The following ZNF546 variants were observed in gnomAD, a reference collection of about 807,000 sequenced individuals.
ZNF546 encodes zinc finger protein 546, also known as CTC-471F3.6.
Under a neutral mutation model 76.2 loss-of-function variants are expected in ZNF546, and 60 were observed. That is an observed-to-expected ratio of 0.79 (90% CI 0.64 to 0.98). The LOEUF (loss-of-function observed/expected upper bound fraction) is 0.98, where lower values mean the gene tolerates loss of function less well. Among genes scored for constraint, ZNF546 ranks in the 50% least tolerant of loss-of-function variants. The pLI is 0.00. For synonymous variants in ZNF546, 277 were observed against 328.1 expected (o/e 0.84, Z 1.68); for missense variants, 936 against 1,035.6 (o/e 0.90, Z 1.32).
intron 4 of ZNF546, 123 bp downstream of exon 4, chr19:40,006,305 TCC>T (rs71902864): frequency 0.079 from 63,179 of 795,538 alleles, 7,518 homozygotes; most frequent in African/African-American, 0.45. Context: ...CCCTAGTTAC[TCC>T]CTAGTTACAG....
chr19:40,004,420 A>C (rs1487491385), intron 3 of ZNF546, among the ~76,000 whole-genome samples: 1 of 151,842 alleles, frequency 6.6e-6, no homozygotes, highest in Admixed American at 6.6e-5. Context: ...GGCATGTGCC[A>C]CCACACCCAG....
intron 2 of ZNF546, 56 bp from the exon 3 acceptor site, chr19:39,998,192 G>C (rs1971479575): frequency 1.6e-6 from 1 of 645,040 alleles, no homozygotes. Context: ...GCAACTCTCT[G>C]GTCTATATCT....
In ZNF546 at chr19:40,015,091, A is replaced by C; in HGVS notation, c.1821A>C (p.Lys607Asn). The change falls in exon 7 of 7, where the codon AAA becomes AAC. Residue 607 changes from lysine to asparagine, a missense_variant. Coordinates refer to ENST00000347077, the MANE Select transcript of ZNF546 (RefSeq NM_178544.5). ...TQHFKIHTGE[K>N]PYICNECGKA... ...ATTTTAAAATTCATACTGGTGAAAA[A>C]CCCTACATATGTAATGAATGTGGGA... The C allele has an allele frequency of 6.2e-7, 1 of 1,613,900 alleles. No individual in the cohort carries two copies. Among genetic ancestry groups the C allele is most frequent in the East Asian group, 2.2e-5 (1 of 44,858 alleles).
chr19:40,002,843 G>A (rs1465874819), intron 3 of ZNF546, among the ~76,000 whole-genome samples: 5 of 151,764 alleles, frequency 3.3e-5, no homozygotes, highest in African/African-American at 9.7e-5. Flanking sequence ...GGGACCACAG[G>A]CATCAGCCAC....
intron 5 of ZNF546, among the ~76,000 whole-genome samples, chr19:40,008,181 G>A (rs1218884132): frequency 6.6e-6 from 1 of 152,164 alleles, no homozygotes; most frequent in Non-Finnish European, 1.5e-5. Context: ...TTGAACCCAG[G>A]CCATAGGGCT....
rs234300 is a variant in ZNF546 at position 40,016,105 on chromosome 19, G to A, written c.*324G>A. The A allele has an allele frequency of 3.9e-3, 1,127 of 289,070 alleles. 14 individuals are homozygous for A. The highest frequency in any genetic ancestry group is 0.024 in the African/African-American group (1,077 of 45,616). 17.9% of individuals were successfully genotyped at this position (289,070 alleles called of 1,614,324 possible). On this transcript the variant is annotated 3_prime_UTR_variant, in exon 7 of 7. Coordinates refer to ENST00000347077, the MANE Select transcript of ZNF546 (RefSeq NM_178544.5). ...ACCTGTAATCCCAGCACTGTGGAAA[G>A]ACAGGAGTTCGAAACCAGCCTGGGC... is the stretch of plus-strand genomic sequence containing the variant.
chr19:40,015,809 C>T lies in ZNF546; in HGVS notation c.*28C>T. On this transcript the variant is annotated 3_prime_UTR_variant, in exon 7 of 7. Coordinates refer to ENST00000347077, the MANE Select transcript of ZNF546 (RefSeq NM_178544.5). ...AGAATACGATGGCCTTTAGAAAATG[C>T]CCTTTAGCAGAGAATTTGTAATTTA... The T allele has an allele frequency of 6.3e-7, 1 of 1,597,730 alleles. No homozygotes were observed. The highest frequency in any genetic ancestry group is 8.6e-7 in the Non-Finnish European group (1 of 1,166,542).
Position 40,018,391 on chromosome 19 carries a change from A to ATT in ZNF546, c.*2613_*2614dup, listed in dbSNP as rs1482283048. ...TTGGCAAGAATACTTAATGGGAGAA[A>ATT]TTTTGTATTTCAATTTGTAACCCAT... is the stretch of plus-strand genomic sequence containing the variant. On this transcript the variant is annotated 3_prime_UTR_variant, in exon 7 of 7. Coordinates refer to ENST00000347077, the MANE Select transcript of ZNF546 (RefSeq NM_178544.5). 1 of 152,166 alleles carries ATT rather than the reference A, an allele frequency of 6.6e-6. No individual in the cohort carries two copies. The highest frequency in any genetic ancestry group is 1.5e-5 in the Non-Finnish European group (1 of 68,032). The allele number at this position is 152,166 out of a possible 1,614,324, so 9.4% of individuals were successfully genotyped here.
intron 6 of ZNF546, among the ~76,000 whole-genome samples, chr19:40,011,905 G>T (rs946473427): frequency 6.6e-6 from 1 of 152,116 alleles, no homozygotes; most frequent in Non-Finnish European, 1.5e-5. Flanking sequence ...TGGATTTAGG[G>T]CCCACCCTTT....
intron 3 of ZNF546, among the ~76,000 whole-genome samples, chr19:40,005,128 C>T (rs1971588264): frequency 6.7e-6 from 1 of 149,242 alleles, no homozygotes; most frequent in African/African-American, 2.5e-5. Context: ...AAGCGATTCT[C>T]CTGCCTTAGG....
At position 40,015,037 on chromosome 19, in the gene ZNF546, T is replaced by G. The variant is rs541134596; in HGVS notation, c.1767T>G (p.Ile589Met). Residue 589 changes from isoleucine (I) to methionine (M), a missense_variant, in exon 7 of 7, where the codon ATT (isoleucine) becomes ATG (methionine). Ile to Met is a conservative substitution (Grantham distance 10). Coordinates refer to ENST00000347077, the MANE Select transcript of ZNF546 (RefSeq NM_178544.5). ...STYICKECGKIFSRRYNLTQH... is the reference protein window; with the variant it reads ...STYICKECGKMFSRRYNLTQH... ...ACATATGTAAAGAATGTGGGAAGAT[T>G]TTTAGTCGTCGCTATAATCTTACTC... 1.2e-6 allele frequency: 2 copies of G among 1,613,268 alleles called. No individual in the cohort carries two copies. Among genetic ancestry groups the G allele is most frequent in the African/African-American group, 2.7e-5 (2 of 74,728 alleles).
In ZNF546 at chr19:40,015,844, CTGTT is replaced by C. The variant is rs1250243463; in HGVS notation, c.*68_*71del. ...GAGAATTTGTAATTTAAGAAATTTT[CTGTT>C]TGTTACGGAACATGTGGGAATCCCT... On this transcript the variant is annotated 3_prime_UTR_variant, in exon 7 of 7. Transcript: ENST00000347077. The C allele has an allele frequency of 5.4e-6, 8 of 1,471,300 alleles. No homozygotes were observed. Among genetic ancestry groups the C allele is most frequent in the African/African-American group, 1.4e-5 (1 of 71,570 alleles). 91.1% of individuals were successfully genotyped at this position (1,471,300 alleles called of 1,614,324 possible).
chr19:40,016,217 C>A lies in ZNF546; in HGVS notation c.*436C>A, dbSNP rs1971765856. 1 of 183,416 alleles carries A rather than the reference C, an allele frequency of 5.5e-6. No individual in the cohort carries two copies. The highest frequency in any genetic ancestry group is 1.1e-5 in the Non-Finnish European group (1 of 87,634). 11.4% of individuals were successfully genotyped at this position (183,416 alleles called of 1,614,324 possible). On this transcript the variant is annotated 3_prime_UTR_variant, in exon 7 of 7. Coordinates refer to ENST00000347077, the MANE Select transcript of ZNF546 (RefSeq NM_178544.5). Reference sequence around the variant, plus strand: ...TTGGTGACAGAGTGAGATCCTGTCTCTAAATAAATAAATAAAATGCGGGCC... The same window carrying A: ...TTGGTGACAGAGTGAGATCCTGTCTATAAATAAATAAATAAAATGCGGGCC...
In ZNF546 at chr19:39,998,348, C is replaced by G; in HGVS notation, c.22C>G (p.His8Asp). 1.2e-6 allele frequency: 2 copies of G among 1,614,212 alleles called. No homozygotes were observed. The highest frequency in any genetic ancestry group is 2.2e-5 in the South Asian group (2 of 91,080). ...GACCATGCAGGTGGACCCTCCTCTT[C>G]ACGGGCCTCCAAATGACTTTCTCAT... MQVDPPL[H>D]GPPNDFLIFQ... The change falls in exon 3 of 7, where the codon CAC becomes GAC. Residue 8 changes from histidine to aspartate, a missense_variant. Transcript: ENST00000347077.
In ZNF546 at chr19:40,000,661, T is replaced by C. The variant is rs533804235; in HGVS notation, c.84+2251T>C. 7.4e-5 allele frequency among the ~76,000 whole-genome samples: 11 copies of C among 148,930 alleles called. No individual in the cohort carries two copies. In the South Asian group the frequency reaches 2.4e-3, roughly 32 times the overall value. Reference sequence around the variant, plus strand: ...AAAAGAAAAAGAAAACAGAATAAGATAGTAACAGCTACAAATATTCATGTA... The same window carrying C: ...AAAAGAAAAAGAAAACAGAATAAGACAGTAACAGCTACAAATATTCATGTA... On this transcript the variant is annotated intron_variant, in intron 3 of 6. Coordinates refer to ENST00000347077, the MANE Select transcript of ZNF546 (RefSeq NM_178544.5).
rs1186230239 is a variant in ZNF546 at position 40,017,966 on chromosome 19, CTTTTTTTTTTTTTT to C, written c.*2201_*2214del. The C allele has an allele frequency of 3.2e-5, 2 of 63,086 alleles. No homozygotes were observed. Among genetic ancestry groups the C allele is most frequent in the South Asian group, 6.6e-4 (1 of 1,526 alleles). The allele number at this position is 63,086 out of a possible 1,614,324, so 3.9% of individuals were successfully genotyped here. ...CCCCACAACTTTATTGCAACATTGA[CTTTTTTTTTTTTTT>C]TTTTTTTTTTTTTTTGAGATGGAGT... On this transcript the variant is annotated 3_prime_UTR_variant, in exon 7 of 7. Transcript: ENST00000347077.
chr19:40,007,260 G>A lies in ZNF546; in HGVS notation c.172-14G>A. 2 of 1,517,162 alleles carry A rather than the reference G, an allele frequency of 1.3e-6. No homozygotes were observed. Among genetic ancestry groups the A allele is most frequent in the Non-Finnish European group, 1.8e-6 (2 of 1,130,030 alleles). 94.0% of individuals were successfully genotyped at this position (1,517,162 alleles called of 1,614,324 possible). On this transcript the variant is annotated splice_polypyrimidine_tract_variant and intron_variant, in intron 4 of 6. Coordinates refer to ENST00000347077, the MANE Select transcript of ZNF546 (RefSeq NM_178544.5). ...CATTTAATTTTTTTTTAATACATAG[G>A]CTTGTCATTTCAGGTATCTTTGGCA...
In ZNF546 at chr19:40,018,908, G is replaced by A. The variant is rs1345909865; in HGVS notation, c.*3127G>A. On this transcript the variant is annotated 3_prime_UTR_variant, in exon 7 of 7. Coordinates refer to ENST00000347077, the MANE Select transcript of ZNF546 (RefSeq NM_178544.5). Reference sequence around the variant, plus strand: ...TTTCCCCCATGAGCCTGCCCAAATTGCAGATTTACGTTTAAAATATGGCCT... The same window carrying A: ...TTTCCCCCATGAGCCTGCCCAAATTACAGATTTACGTTTAAAATATGGCCT... 6.6e-6 allele frequency: 1 copy of A among 152,216 alleles called. No homozygotes were observed. The highest frequency in any genetic ancestry group is 1.5e-5 in the Non-Finnish European group (1 of 68,070). 9.4% of individuals were successfully genotyped at this position (152,216 alleles called of 1,614,324 possible). A position where few individuals can be genotyped will look rare whatever the true frequency, so the allele number is the denominator to read the frequency against.
At position 39,998,294 on chromosome 19, in the gene ZNF546, T is replaced by A. The variant is rs541448183; in HGVS notation, c.-33T>A. On this transcript the variant is annotated 5_prime_UTR_variant, in exon 3 of 7. Transcript: ENST00000347077. ...TTTTCCTGAATTGTCCAGTGACCTA[T>A]CCCAGGCCTTCCTTTCCAGTGAACA... 3.8e-6 allele frequency: 6 copies of A among 1,570,984 alleles called. No homozygotes were observed. The African/African-American group carries it at 5.4e-5, about 14-fold the overall frequency.
Sources: gnomAD v4.1 joint callset for allele counts (sites outside exome capture counted in the v4.1 genomes callset) on GRCh38, gnomAD v4.1.1 for gene constraint, MANE v1.5 for transcripts, NCBI Gene and HGNC (gene_info 2026-07-23, HGNC 2026-07-21) for gene names.